Variants in SDK1 observed in about 807,000 individuals in gnomAD.
The protein encoded by SDK1 is protein sidekick-1.
SDK1 carries 157 observed loss-of-function variants against 245.5 expected under a neutral mutation model. That is an observed-to-expected ratio of 0.64 (90% CI 0.56 to 0.73). SDK1 has a LOEUF of 0.73. Among genes scored for constraint, SDK1 ranks in the 30% least tolerant of loss-of-function variants. The pLI is 0.00. For synonymous variants in SDK1, 1,647 were observed against 1,278.5 expected (o/e 1.29, Z -6.15); for missense variants, 3,583 against 3,002.3 (o/e 1.19, Z -4.52).
At chr7:3,330,171 T>C (rs1780033884) in intron 1 of SDK1, among the ~76,000 whole-genome samples, 3 of 152,222 alleles carry the variant, frequency 2.0e-5, no homozygotes, top group African/African-American at 7.2e-5. Flanking sequence ...ACTGATTTCA[T>C]GTGGACATAT....
intron 4 of SDK1, among the ~76,000 whole-genome samples, chr7:3,693,320 C>T (rs28386894): frequency 6.6e-6 from 1 of 152,082 alleles, no homozygotes; most frequent in Admixed American, 6.5e-5. Flanking sequence ...CCAAATCCCT[C>T]TCGTTATTTG....
At chr7:4,153,351 C>T (rs1289147030) in intron 30 of SDK1, among the ~76,000 whole-genome samples, 4 of 151,726 alleles carry the variant, frequency 2.6e-5, no homozygotes, top group African/African-American at 7.3e-5. Context: ...TTTGGGAGGC[C>T]GAGGCGGGTG....
At chr7:3,855,715 A>G (rs115199529) in intron 5 of SDK1, among the ~76,000 whole-genome samples, 2,119 of 152,324 alleles carry the variant, frequency 0.014, 56 homozygotes, top group African/African-American at 0.049. Flanking sequence ...AGAGGCCATT[A>G]GGTGCCAATA....
intron 35 of SDK1, among the ~76,000 whole-genome samples, chr7:4,191,255 C>T (rs946833217): frequency 1.3e-5 from 2 of 152,004 alleles, no homozygotes; most frequent in Non-Finnish European, 2.9e-5. Flanking sequence ...TCCCCCGCCG[C>T]GGTCACATGG....
intron 1 of SDK1, among the ~76,000 whole-genome samples, chr7:3,605,403 C>G (rs1781390012): frequency 6.6e-6 from 1 of 152,134 alleles, no homozygotes; most frequent in African/African-American, 2.4e-5. Flanking sequence ...GAAAAAATGC[C>G]CACAGTCGTC....
At chr7:4,124,158 C>T (rs759160609) in intron 25 of SDK1, among the ~76,000 whole-genome samples, 9 of 152,246 alleles carry the variant, frequency 5.9e-5, no homozygotes, top group Non-Finnish European at 1.0e-4. Flanking sequence ...TCCCACACAG[C>T]ATGAGAACAG....
chr7:3,504,262 T>TGTC (rs1420341076), intron 1 of SDK1, among the ~76,000 whole-genome samples: 33 of 149,664 alleles, frequency 2.2e-4, no homozygotes, highest in Admixed American at 4.0e-4. Flanking sequence ...CTGCTGTTGT[T>TGTC]GTCGTTGTTG....
chr7:3,440,186 C>T (rs948390397), intron 1 of SDK1, among the ~76,000 whole-genome samples: 3 of 152,034 alleles, frequency 2.0e-5, no homozygotes, highest in African/African-American at 7.2e-5. Flanking sequence ...TCCCTTGTGC[C>T]CTGTAAAATG....
At chr7:3,599,985 A>G (rs563999123) in intron 1 of SDK1, among the ~76,000 whole-genome samples, 1 of 152,352 alleles carries the variant, frequency 6.6e-6, no homozygotes, top group African/African-American at 2.4e-5. Flanking sequence ...TATTTGGACA[A>G]TAATTCCATT....
At chr7:4,229,472 C>G (rs903648344) in intron 40 of SDK1, among the ~76,000 whole-genome samples, 3 of 152,012 alleles carry the variant, frequency 2.0e-5, no homozygotes, top group Non-Finnish European at 4.4e-5. Flanking sequence ...GATTCTGTAT[C>G]AATATTTTAA....
chr7:4,118,797 A>G (rs1783883181), intron 25 of SDK1, among the ~76,000 whole-genome samples: 1 of 149,126 alleles, frequency 6.7e-6, no homozygotes, highest in African/African-American at 2.4e-5. Context: ...CCTTGAAAAC[A>G]TTAGGCTAAG....
At chr7:4,138,822 T>TA (rs1779268874) in intron 28 of SDK1, among the ~76,000 whole-genome samples, 1 of 151,518 alleles carries the variant, frequency 6.6e-6, no homozygotes, top group Non-Finnish European at 1.5e-5. Flanking sequence ...AATTGATGAC[T>TA]AAAAAAAGTC....
intron 1 of SDK1, among the ~76,000 whole-genome samples, chr7:3,441,903 T>C (rs545063461): frequency 1.4e-4 from 21 of 152,296 alleles, no homozygotes; most frequent in Admixed American, 5.2e-4. Context: ...ACACTGGGAA[T>C]TGGTCTTTTT....
intron 4 of SDK1, among the ~76,000 whole-genome samples, chr7:3,819,001 C>T (rs1779580473): frequency 6.6e-6 from 1 of 152,174 alleles, no homozygotes; most frequent in South Asian, 2.1e-4. Context: ...ACGATACTTG[C>T]TTTAGTGTCT....
chr7:3,651,681 C>T (rs1280908323), intron 4 of SDK1, among the ~76,000 whole-genome samples: 1 of 152,104 alleles, frequency 6.6e-6, no homozygotes, highest in Non-Finnish European at 1.5e-5. Flanking sequence ...GCAGAATGAG[C>T]TCCAAGTAAG....
intron 24 of SDK1, among the ~76,000 whole-genome samples, chr7:4,113,781 A>C (rs1401541212): frequency 6.6e-6 from 1 of 152,242 alleles, no homozygotes; most frequent in Non-Finnish European, 1.5e-5. Context: ...CCTGATATTT[A>C]ATCAGAACAT....
intron 1 of SDK1, among the ~76,000 whole-genome samples, chr7:3,377,429 G>A (rs1040220961): frequency 6.6e-6 from 1 of 152,172 alleles, no homozygotes; most frequent in Admixed American, 6.5e-5. Context: ...TCTGGAATGT[G>A]GTCAGGTTGC....
chr7:3,555,786 A>C (rs977292503), intron 1 of SDK1, among the ~76,000 whole-genome samples: 11 of 152,214 alleles, frequency 7.2e-5, no homozygotes, highest in African/African-American at 2.7e-4. Flanking sequence ...TTTGCAAAAG[A>C]AGACATACAA....
chr7:4,212,864 T>C (rs1784577782), intron 38 of SDK1, among the ~76,000 whole-genome samples: 1 of 152,232 alleles, frequency 6.6e-6, no homozygotes, highest in Non-Finnish European at 1.5e-5. Flanking sequence ...TTTCCCATTC[T>C]TCCTCAAGTA....
Sources: gnomAD v4.1 joint callset for allele counts (sites outside exome capture counted in the v4.1 genomes callset) on GRCh38, gnomAD v4.1.1 for gene constraint, MANE v1.5 for transcripts, NCBI Gene and HGNC (gene_info 2026-07-23, HGNC 2026-07-21) for gene names.